Variants in SLC24A2 observed in about 807,000 individuals in gnomAD.
SLC24A2 encodes solute carrier family 24 member 2.
A neutral mutation model predicts 62.0 loss-of-function variants in SLC24A2; 36 were observed. The ratio of observed to expected loss-of-function variants is 0.58; its 90% CI spans 0.44 to 0.77. The LOEUF (loss-of-function observed/expected upper bound fraction) is 0.77, where lower values mean the gene tolerates loss of function less well. SLC24A2 is among the 30% of genes least tolerant of loss of function. SLC24A2 has a pLI of 0.00. For missense variants in SLC24A2, 846 were observed against 817.9 expected, an observed-to-expected ratio of 1.03 and a Z score of -0.42; for synonymous variants, 358 against 294.0, an observed-to-expected ratio of 1.22 and a Z score of -2.23.
At chr9:19,931,127 A>G in the SLC24A2 span, among the ~76,000 whole-genome samples, 1 of 152,224 alleles carries the variant, frequency 6.6e-6, no homozygotes, top group Non-Finnish European at 1.5e-5. Flanking sequence ...AAAACACTTA[A>G]GAATGACAAT....
the SLC24A2 span, among the ~76,000 whole-genome samples, chr9:20,051,655 C>CTTTTTTTTT: frequency 2.2e-5 from 1 of 46,078 alleles, no homozygotes; most frequent in Non-Finnish European, 3.8e-5. Context: ...TTTTTTCTTT[C>CTTTTTTTTT]TCTTTTTTTT....
chr9:19,520,603 C>T (rs557141991), intron 10 of SLC24A2, among the ~76,000 whole-genome samples: 2 of 152,114 alleles, frequency 1.3e-5, no homozygotes, highest in East Asian at 3.9e-4. Context: ...ATCTCAGTTC[C>T]ACTTGAATGT....
chr9:19,888,802 T>G, the SLC24A2 span, among the ~76,000 whole-genome samples: 1 of 152,024 alleles, frequency 6.6e-6, no homozygotes, highest in Non-Finnish European at 1.5e-5. Context: ...TGGGAAGAAA[T>G]GCCAAATGCC....
the SLC24A2 span, among the ~76,000 whole-genome samples, chr9:19,817,598 C>A: frequency 6.6e-6 from 1 of 151,830 alleles, no homozygotes; most frequent in African/African-American, 2.4e-5. Context: ...ATATATAGAA[C>A]ACATCAGGAA....
At chr9:20,290,120 G>T in the SLC24A2 span, among the ~76,000 whole-genome samples, 6 of 152,096 alleles carry the variant, frequency 3.9e-5, no homozygotes, top group Non-Finnish European at 7.4e-5. Flanking sequence ...TCCCCAGCTC[G>T]GCAGAGTGGC....
At chr9:19,916,144 A>G in the SLC24A2 span, among the ~76,000 whole-genome samples, 1 of 152,028 alleles carries the variant, frequency 6.6e-6, no homozygotes, top group African/African-American at 2.4e-5. Context: ...GTAACCTGGG[A>G]TCATATATTG....
At chr9:19,987,312 G>T in the SLC24A2 span, among the ~76,000 whole-genome samples, 1 of 152,122 alleles carries the variant, frequency 6.6e-6, no homozygotes, top group African/African-American at 2.4e-5. Context: ...TTGGCAGACA[G>T]ACCTTATTAG....
chr9:19,825,227 G>A, the SLC24A2 span, among the ~76,000 whole-genome samples: 3 of 152,190 alleles, frequency 2.0e-5, no homozygotes, highest in African/African-American at 7.2e-5. Flanking sequence ...TTATCTAATA[G>A]CCATTGTTTT....
At chr9:20,273,253 A>G in the SLC24A2 span, among the ~76,000 whole-genome samples, 1 of 152,238 alleles carries the variant, frequency 6.6e-6, no homozygotes, top group African/African-American at 2.4e-5. Context: ...AAAGCTAGCC[A>G]TAAAAGAATT....
rs1362029406 is a variant in SLC24A2 at position 19,511,034 on chromosome 9, G to C, written c.*5119C>G. 1.3e-5 allele frequency: 2 copies of C among 152,198 alleles called. No individual in the cohort carries two copies. Among genetic ancestry groups the C allele is most frequent in the Non-Finnish European group, 2.9e-5 (2 of 68,064 alleles). 9.4% of individuals were successfully genotyped at this position (152,198 alleles called of 1,614,324 possible). A position where few individuals can be genotyped will look rare whatever the true frequency, so the allele number is the denominator to read the frequency against. On this transcript the variant is annotated 3_prime_UTR_variant, in exon 11 of 11. Transcript: ENST00000341998. ...ATGCCAGTGTGTACATTAGCTGGGG[G>C]GAGTCATTGTGGAAAACAGATTCCT... is the stretch of plus-strand genomic sequence containing the variant.
chr9:19,604,317 A>T (rs180702845), intron 4 of SLC24A2, among the ~76,000 whole-genome samples: 215 of 152,316 alleles, frequency 1.4e-3, no homozygotes, highest in African/African-American at 5.0e-3. Context: ...GAGGACTTAC[A>T]TCATGCAGAA....
intron 8 of SLC24A2, among the ~76,000 whole-genome samples, chr9:19,534,169 G>T (rs978044398): frequency 1.3e-5 from 2 of 152,124 alleles, no homozygotes; most frequent in African/African-American, 4.8e-5. Flanking sequence ...AGCTGTGGGG[G>T]GAAAACCCAT....
At chr9:19,656,951 G>C (rs1818960013) in intron 2 of SLC24A2, among the ~76,000 whole-genome samples, 1 of 152,148 alleles carries the variant, frequency 6.6e-6, no homozygotes, top group Non-Finnish European at 1.5e-5. Flanking sequence ...ACTCCCTCTG[G>C]TCCTTCAGAA....
chr9:19,887,799 C>T, the SLC24A2 span, among the ~76,000 whole-genome samples: 20 of 152,128 alleles, frequency 1.3e-4, 1 homozygote, highest in Non-Finnish European at 2.2e-4. Flanking sequence ...AAAGAAATTA[C>T]ATATATATGA....
At position 19,605,909 on chromosome 9, in the gene SLC24A2, A is replaced by C. The variant is rs561833942; in HGVS notation, c.1079-8630T>G. The stretch of plus-strand genomic sequence containing the variant: ...TAGTAAGAGGCAGAACTGGGGTTCA[A>C]ACCAAGGTGGCTGGCTCCTCATTGT... On this transcript the variant is annotated intron_variant, in intron 4 of 10. Coordinates refer to ENST00000341998, the MANE Select transcript of SLC24A2 (RefSeq NM_020344.4). 1.3e-4 allele frequency among the ~76,000 whole-genome samples: 20 copies of C among 152,362 alleles called. No homozygotes were observed. In the South Asian group the frequency reaches 4.1e-3, roughly 32 times the overall value.
the SLC24A2 span, among the ~76,000 whole-genome samples, chr9:20,217,343 G>A: frequency 6.6e-6 from 1 of 152,212 alleles, no homozygotes; most frequent in South Asian, 2.1e-4. Flanking sequence ...AGGTTACAAG[G>A]AGGGTAGTGG....
the SLC24A2 span, among the ~76,000 whole-genome samples, chr9:20,294,320 G>C: frequency 6.6e-6 from 1 of 151,990 alleles, no homozygotes; most frequent in Non-Finnish European, 1.5e-5. Context: ...TGCTCATCAC[G>C]GTGACAATGG....
the SLC24A2 span, among the ~76,000 whole-genome samples, chr9:20,097,759 T>C: frequency 8.1e-5 from 7 of 86,628 alleles, no homozygotes; most frequent in Non-Finnish European, 1.4e-4. Context: ...TTTTTTTTTT[T>C]TGAGACGGAG....
At chr9:20,159,279 G>C in the SLC24A2 span, among the ~76,000 whole-genome samples, 1 of 151,580 alleles carries the variant, frequency 6.6e-6, no homozygotes, top group Non-Finnish European at 1.5e-5. Flanking sequence ...CCTCTTAGGA[G>C]CCTTTTCAGA....
Sources: allele counts gnomAD v4.1 joint callset (sites outside exome capture counted in the v4.1 genomes callset), GRCh38; gene constraint gnomAD v4.1.1; transcripts MANE v1.5; gene names NCBI Gene and HGNC (gene_info 2026-07-23, HGNC 2026-07-21).